NDUFS7: variants seen among roughly 807,000 people sequenced by gnomAD.
NDUFS7 encodes NADH:ubiquinone oxidoreductase core subunit S7.
NDUFS7 carries 11 observed loss-of-function variants against 31.1 expected under a neutral mutation model. The ratio of observed to expected loss-of-function variants is 0.35; its 90% CI spans 0.22 to 0.59. The LOEUF (loss-of-function observed/expected upper bound fraction) is 0.59. NDUFS7 is among the 20% of genes least tolerant of loss of function. NDUFS7 has a pLI of 0.79. For synonymous variants in NDUFS7, 136 were observed against 127.9 expected (o/e 1.06, Z -0.43); for missense variants, 263 against 324.2 (o/e 0.81, Z 1.45).
At chr19:1,385,289 C>T (rs997873450) in intron 1 of NDUFS7, among the ~76,000 whole-genome samples, 4 of 152,220 alleles carry the variant, frequency 2.6e-5, no homozygotes, top group Non-Finnish European at 5.9e-5. Context: ...CCAAGGTGGG[C>T]GGATCACCTG....
intron 4 of NDUFS7, chr19:1,389,746 G>A (rs549769702): frequency 1.7e-5 from 6 of 344,568 alleles, no homozygotes; most frequent in South Asian, 6.7e-5. Context: ...CACTTGCTGC[G>A]ACAGCCCGGG....
chr19:1,390,497 A>G, intron 4 of NDUFS7: 1 of 354,690 alleles, frequency 2.8e-6, no homozygotes, highest in African/African-American at 2.1e-5. Context: ...TGGTATGTGG[A>G]CCCAGATCTA....
In NDUFS7 at chr19:1,391,222, C is replaced by T. The variant is rs560869862; in HGVS notation, c.455+57C>T. 102 of 1,582,684 alleles carry T rather than the reference C, an allele frequency of 6.4e-5. No individual in the cohort carries two copies. The East Asian group carries it at 1.5e-3, about 24-fold the overall frequency. The stretch of plus-strand genomic sequence containing the variant: ...GACGTAGCGTGAGTGCTGGCCTGGC[C>T]GTGCCCTGATGGCGCTTATCAAAAG... On this transcript the variant is annotated intron_variant, in intron 6 of 7. Transcript: ENST00000233627.
intron 4 of NDUFS7, chr19:1,389,396 C>G: frequency 2.2e-6 from 1 of 461,336 alleles, no homozygotes; most frequent in Non-Finnish European, 4.3e-6. Context: ...TGCACACAGG[C>G]ACACTCACTG....
At position 1,393,158 on chromosome 19, in the gene NDUFS7, G is replaced by C. The variant is rs1278881230; in HGVS notation, c.456-84G>C. On this transcript the variant is annotated intron_variant, in intron 6 of 7. Coordinates refer to ENST00000233627, the MANE Select transcript of NDUFS7 (RefSeq NM_024407.5). This position sits in a 1 kb window ranked among gnomAD's most constrained non-coding sequence, Gnocchi z 7.3. ...AGGTGCCTGGCCTGCAGTTGAAGGC[G>C]GGTGGGGATGGGGCGAGGCCTCGTG... 1 of 1,108,372 alleles carries C rather than the reference G, an allele frequency of 9.0e-7. No individual in the cohort carries two copies. The highest frequency in any genetic ancestry group is 1.5e-5 in the African/African-American group (1 of 64,712). The allele number at this position is 1,108,372 out of a possible 1,614,324, so 68.7% of individuals were successfully genotyped here.
chr19:1,384,237 C>T (rs1403753648), intron 1 of NDUFS7: 4 of 473,034 alleles, frequency 8.5e-6, no homozygotes, highest in Non-Finnish European at 1.1e-5. Context: ...TCCCCGAGAC[C>T]AGGGCACGGC....
chr19:1,389,190 C>T (rs1430042122), intron 4 of NDUFS7: 4 of 691,170 alleles, frequency 5.8e-6, no homozygotes, highest in South Asian at 3.0e-5. Flanking sequence ...CACACACAAG[C>T]ACATGTGCAC....
Position 1,388,594 on chromosome 19 carries a change from G to T in NDUFS7, c.122+1G>T. The T allele has an allele frequency of 1.2e-6, 2 of 1,611,964 alleles. No individual in the cohort carries two copies. Among genetic ancestry groups the T allele is most frequent in the South Asian group, 2.2e-5 (2 of 90,972 alleles). On this transcript the variant is annotated splice_donor_variant, in intron 3 of 7. Coordinates refer to ENST00000233627, the MANE Select transcript of NDUFS7 (RefSeq NM_024407.5). LOFTEE classifies it high-confidence loss of function. ...GCGTGGCCACCGATGGCCCAAGCAG[G>T]TGAAGCTGGCCTTCTGGGGGAGGTC...
intron 1 of NDUFS7, chr19:1,386,583 A>C (rs932922609): frequency 6.6e-6 from 1 of 151,696 alleles, no homozygotes; most frequent in Non-Finnish European, 1.5e-5. Context: ...TGCAACCTCT[A>C]CCTCCCGGGT....
rs895833368 is a variant in NDUFS7, at chr19:1,393,420, C to T, written c.544+90C>T. The T allele has an allele frequency of 3.6e-6, 4 of 1,103,976 alleles. No individual in the cohort carries two copies. The African/African-American group carries it at 4.6e-5, about 13-fold the overall frequency. 68.4% of individuals were successfully genotyped at this position (1,103,976 alleles called of 1,614,324 possible). On this transcript the variant is annotated intron_variant, in intron 7 of 7. Transcript: ENST00000233627. This position sits in a 1 kb window ranked among gnomAD's most constrained non-coding sequence, Gnocchi z 7.3. ...GCGGCCCCTGTGAGGGAGTCCCACA[C>T]CCCCAGCAGACGGCGGGCTCCCCCA...
chr19:1,388,759 G>C, intron 3 of NDUFS7, 74 bp from the exon 4 acceptor site: 1 of 1,493,924 alleles, frequency 6.7e-7, no homozygotes, highest in Non-Finnish European at 9.1e-7. Context: ...GGCAGCGGCC[G>C]TGGGGGCTCG....
In NDUFS7 at chr19:1,395,373, G is replaced by A. The variant is rs751266123; in HGVS notation, c.545-18G>A. The A allele has an allele frequency of 6.9e-6, 11 of 1,595,098 alleles. No homozygotes were observed. Among genetic ancestry groups the A allele is most frequent in the Non-Finnish European group, 8.5e-6 (10 of 1,172,758 alleles). On this transcript the variant is annotated intron_variant, in intron 7 of 7. Coordinates refer to ENST00000233627, the MANE Select transcript of NDUFS7 (RefSeq NM_024407.5). ...GGCTCCGGCTGCGGGAAGCGAGACTGAGGCAAGGTCCCTGCAGGCTGCCCA... is the reference window on the plus strand; with the variant it reads ...GGCTCCGGCTGCGGGAAGCGAGACTAAGGCAAGGTCCCTGCAGGCTGCCCA...
chr19:1,389,915 T>C (rs2082543245), intron 4 of NDUFS7: 1 of 212,164 alleles, frequency 4.7e-6, no homozygotes, highest in African/African-American at 2.4e-5. Flanking sequence ...TTCTTTTTTT[T>C]TTTTTTGAGA....
chr19:1,387,862 C>T lies in NDUFS7; in HGVS notation c.53+15C>T. 6.2e-7 allele frequency: 1 copy of T among 1,603,826 alleles called. No individual in the cohort carries two copies. The highest frequency in any genetic ancestry group is 8.5e-7 in the Non-Finnish European group (1 of 1,178,566). The stretch of plus-strand genomic sequence containing the variant: ...CTTGGTCTGCGGTGAGTGCCTGAGT[C>T]TCCAGCCCTCAGCTGGGAGGGGCCT... On this transcript the variant is annotated intron_variant, in intron 2 of 7. Transcript: ENST00000233627.
intron 7 of NDUFS7, chr19:1,394,002 C>CCACG (rs1490816447): frequency 7.9e-6 from 2 of 251,866 alleles, no homozygotes; most frequent in Admixed American, 5.1e-5. Context: ...TGACAGTGGT[C>CCACG]CACGGTAGGC....
Position 1,393,202 on chromosome 19 carries a change from G to A in NDUFS7, c.456-40G>A, listed in dbSNP as rs537996181. On this transcript the variant is annotated intron_variant, in intron 6 of 7. Coordinates refer to ENST00000233627, the MANE Select transcript of NDUFS7 (RefSeq NM_024407.5). The surrounding 1 kb of genome is among the most constrained non-coding windows in gnomAD (Gnocchi z 7.3). Reference sequence around the variant, plus strand: ...CCTCGTGGAGGGAGGGTGGGCAGGCGGGTCTTCGGCACACTCCCCTCACGG... The same window carrying A: ...CCTCGTGGAGGGAGGGTGGGCAGGCAGGTCTTCGGCACACTCCCCTCACGG... 8.6e-6 allele frequency: 13 copies of A among 1,508,502 alleles called. No individual in the cohort carries two copies. Among genetic ancestry groups the A allele is most frequent in the African/African-American group, 5.5e-5 (4 of 72,322 alleles). The allele number at this position is 1,508,502 out of a possible 1,614,324, so 93.4% of individuals were successfully genotyped here.
Position 1,393,462 on chromosome 19 carries a change from A to T in NDUFS7, c.544+132A>T. The T allele has an allele frequency of 1.3e-6, 1 of 753,270 alleles. No homozygotes were observed. Among genetic ancestry groups the T allele is most frequent in the Non-Finnish European group, 2.3e-6 (1 of 433,180 alleles). The allele number at this position is 753,270 out of a possible 1,614,324, so 46.7% of individuals were successfully genotyped here. A position where few individuals can be genotyped will look rare whatever the true frequency, so the allele number is the denominator to read the frequency against. On this transcript the variant is annotated intron_variant, in intron 7 of 7. Transcript: ENST00000233627. The surrounding 1 kb of genome is among the most constrained non-coding windows in gnomAD (Gnocchi z 7.3). The stretch of plus-strand genomic sequence containing the variant: ...GCTCCCCCATCCTATGGATGGGCCG[A>T]CTCGGAGCGCTGCCTCTTAGTGGAG...
chr19:1,386,304 G>A (rs1376278971), intron 1 of NDUFS7, among the ~76,000 whole-genome samples: 2 of 152,200 alleles, frequency 1.3e-5, no homozygotes, highest in African/African-American at 2.4e-5. Flanking sequence ...ACAGTTCTGG[G>A]GGCTGGAAGG....
intron 7 of NDUFS7, chr19:1,394,687 C>T (rs1200097965): frequency 8.3e-7 from 1 of 1,211,086 alleles, no homozygotes; most frequent in Non-Finnish European, 1.0e-6. Flanking sequence ...CTGTGCTGCT[C>T]CCTCCCTGCG....
Sources: allele counts gnomAD v4.1 joint callset (sites outside exome capture counted in the v4.1 genomes callset), GRCh38; gene constraint gnomAD v4.1.1; non-coding constraint Gnocchi (gnomAD v3.1); transcripts MANE v1.5; gene names NCBI Gene and HGNC (gene_info 2026-07-23, HGNC 2026-07-21).